Variants in CD99 observed in about 807,000 individuals in gnomAD.
CD99 encodes CD99 molecule (Xg blood group).
CD99 carries 19 observed loss-of-function variants against 28.4 expected under a neutral mutation model. The ratio of observed to expected loss-of-function variants is 0.67; its 90% CI spans 0.47 to 0.98. The LOEUF is 0.98. Among genes scored for constraint, CD99 ranks in the 50% least tolerant of loss-of-function variants. The probability of loss-of-function intolerance (pLI) is 0.00; values close to 1 mark genes in which losing one functional copy is unlikely to be tolerated. For synonymous variants in CD99, 103 were observed against 92.1 expected, an observed-to-expected ratio of 1.12 and a Z score of -0.67; for missense variants, 283 against 248.8, an observed-to-expected ratio of 1.14 and a Z score of -0.92.
chrX:2,708,588 A>G (rs765455806), intron 1 of CD99, among the ~76,000 whole-genome samples: 1 of 152,320 alleles, frequency 6.6e-6, no homozygotes, highest in South Asian at 2.1e-4. Context: ...TTCAATTAAA[A>G]ACTGTAGAAA....
rs765221682 is a variant in CD99, at chrX:2,717,595, A to G, written c.101-10A>G. On this transcript the variant is annotated splice_polypyrimidine_tract_variant and intron_variant, in intron 2 of 9. Coordinates refer to ENST00000381192, the MANE Select transcript of CD99 (RefSeq NM_002414.5). ...CAACTTTTACTAACTGAAATATCTT[A>G]TCTCTTTAGACAATGAAAACAAGAA... 6.2e-7 allele frequency: 1 copy of G among 1,611,500 alleles called. No homozygotes were observed. Among genetic ancestry groups the G allele is most frequent in the East Asian group, 2.2e-5 (1 of 44,884 alleles).
chrX:2,719,485 T>G (rs1373675955), intron 3 of CD99, 176 bp from the exon 4 acceptor site: 2 of 677,758 alleles, frequency 3.0e-6, no homozygotes, highest in Non-Finnish European at 2.7e-6. Context: ...TCTGAGAGAA[T>G]AGTGATGTAA....
At chrX:2,696,575 A>AT (rs771143640) in intron 1 of CD99, among the ~76,000 whole-genome samples, 12 of 151,686 alleles carry the variant, frequency 7.9e-5, no homozygotes, top group Middle Eastern at 3.4e-3. Context: ...TAATTTTTGT[A>AT]TTTTTTTAGT....
chrX:2,723,863 G>C (rs1278166728), intron 7 of CD99, among the ~76,000 whole-genome samples: 7 of 151,956 alleles, frequency 4.6e-5, no homozygotes, highest in Non-Finnish European at 8.8e-5. Flanking sequence ...CCTTAGATGG[G>C]ACAAGAAAAT....
rs1242669191 is a variant in CD99 at position 2,714,362 on chromosome X, A to C, written c.68-60A>C. 3.8e-6 allele frequency: 5 copies of C among 1,332,942 alleles called. No individual in the cohort carries two copies. In the Admixed American group the frequency reaches 9.6e-5, roughly 26 times the overall value. The allele number at this position is 1,332,942 out of a possible 1,614,324, so 82.6% of individuals were successfully genotyped here. On this transcript the variant is annotated intron_variant, in intron 1 of 9. Coordinates refer to ENST00000381192, the MANE Select transcript of CD99 (RefSeq NM_002414.5). Reference sequence around the variant, plus strand: ...AATCGCATATCTTTTTTATCTCTATAATATTCAAATTTATTTTTATTTTTC... The same window carrying C: ...AATCGCATATCTTTTTTATCTCTATCATATTCAAATTTATTTTTATTTTTC...
At position 2,691,437 on chromosome X, in the gene CD99, C is replaced by A; in HGVS notation, c.67+10C>A. 1 of 1,579,960 alleles carries A rather than the reference C, an allele frequency of 6.3e-7. No homozygotes were observed. ...CTGGTCGCCGCCCCGGGTGAGCGAGCGGAGGGATCCGGGTTGGGGGACGCG... is the reference window on the plus strand; with the variant it reads ...CTGGTCGCCGCCCCGGGTGAGCGAGAGGAGGGATCCGGGTTGGGGGACGCG... On this transcript the variant is annotated intron_variant, in intron 1 of 9. Transcript: ENST00000381192.
At position 2,736,734 on chromosome X, in the gene CD99, G is replaced by C. The variant is rs932386693; in HGVS notation, c.476-1466G>C. ...TAGCCAGGCGTGGTGGTGCATGCCT[G>C]AAATCCCAGCTACTCAGGAGGCTGA... On this transcript the variant is annotated intron_variant, in intron 8 of 9. Coordinates refer to ENST00000381192, the MANE Select transcript of CD99 (RefSeq NM_002414.5). Among the ~76,000 whole-genome samples the C allele has an allele frequency of 6.6e-5, 10 of 152,048 alleles. 1 individual carries two copies. The highest frequency in any genetic ancestry group is 4.6e-4 in the Admixed American group (7 of 15,262).
chrX:2,699,067 C>T, intron 1 of CD99, among the ~76,000 whole-genome samples: 1 of 152,220 alleles, frequency 6.6e-6, no homozygotes, highest in Middle Eastern at 3.4e-3. Flanking sequence ...GCTGGGACCA[C>T]AGGTGCACCT....
intron 1 of CD99, among the ~76,000 whole-genome samples, chrX:2,697,898 G>A (rs1263394588): frequency 6.6e-6 from 1 of 151,828 alleles, no homozygotes. Flanking sequence ...TAGAATAGCA[G>A]GACAGGGAGG....
intron 8 of CD99, among the ~76,000 whole-genome samples, chrX:2,726,873 A>G (rs1404638538): frequency 5.9e-5 from 9 of 152,102 alleles, no homozygotes. Flanking sequence ...GGTGGCTCAC[A>G]CCTGTAATCC....
rs1281150463 is a variant in CD99, at chrX:2,714,726, C to G, written c.100+272C>G. On this transcript the variant is annotated intron_variant, in intron 2 of 9. Transcript: ENST00000381192. ...AGATACAGAGACAGGAAGTGGGGCA[C>G]GTGCTGTTGGAAAAAATGATGCCGA... The G allele has an allele frequency of 1.5e-5, 5 of 340,486 alleles. No homozygotes were observed. In the Admixed American group the frequency reaches 2.3e-4, roughly 16 times the overall value. 21.1% of individuals were successfully genotyped at this position (340,486 alleles called of 1,614,324 possible). A position where few individuals can be genotyped will look rare whatever the true frequency, so the allele number is the denominator to read the frequency against.
At chrX:2,723,519 G>A (rs1306697356) in intron 7 of CD99, 155 bp downstream of exon 7, 1 of 818,446 alleles carries the variant, frequency 1.2e-6, no homozygotes, top group Admixed American at 2.1e-5. Flanking sequence ...CCCAAGTGAT[G>A]TAGCTGCAGA....
At chrX:2,697,464 C>G (rs770335758) in intron 1 of CD99, among the ~76,000 whole-genome samples, 1 of 152,108 alleles carries the variant, frequency 6.6e-6, no homozygotes, top group Non-Finnish European at 1.5e-5. Flanking sequence ...TACTCATCAG[C>G]GACACCTGAG....
At chrX:2,739,920 TAA>T (rs760923352) in intron 9 of CD99, among the ~76,000 whole-genome samples, 18 of 110,118 alleles carry the variant, frequency 1.6e-4, no homozygotes, top group Admixed American at 3.8e-4. Flanking sequence ...TACTAAAAAT[TAA>T]AAAAAAAAAA....
chrX:2,691,705 A>G (rs1275444208), intron 1 of CD99: 2 of 705,162 alleles, frequency 2.8e-6, no homozygotes, highest in Admixed American at 4.0e-5. Context: ...GGTGCGTCCG[A>G]TTTTTCCCAA....
intron 8 of CD99, among the ~76,000 whole-genome samples, chrX:2,735,984 C>G (rs768126872): frequency 6.6e-6 from 1 of 151,906 alleles, no homozygotes; most frequent in Non-Finnish European, 1.5e-5. Flanking sequence ...GGGCAGATCA[C>G]GAAGTCAGGA....
Position 2,719,668 on chromosome X carries a change from C to T in CD99, c.156C>T (p.Asp52=). 6.2e-7 allele frequency: 1 copy of T among 1,613,838 alleles called. No homozygotes were observed. Among genetic ancestry groups the T allele is most frequent in the Non-Finnish European group, 8.5e-7 (1 of 1,179,790 alleles). Residue 52 remains aspartate, a synonymous_variant, in exon 4 of 10, where the codon GAC becomes GAT. Transcript: ENST00000381192. ...AIPKKPSAGD[D]FDLGDAVVDG... is the part of the protein sequence containing the mutation. ...CTCTTTCCCCTCTTTTAGGGGATGA[C>T]TTTGACTTAGGAGATGCTGTTGTTG...
At chrX:2,693,972 T>A (rs1454743599) in intron 1 of CD99, among the ~76,000 whole-genome samples, 1 of 152,188 alleles carries the variant, frequency 6.6e-6, no homozygotes. Flanking sequence ...CACAAAGAAT[T>A]CATCTGGTCC....
At chrX:2,704,811 C>T (rs1485243784) in intron 1 of CD99, among the ~76,000 whole-genome samples, 4 of 151,616 alleles carry the variant, frequency 2.6e-5, no homozygotes, top group South Asian at 2.1e-4. Flanking sequence ...CCTCCACAAG[C>T]GCAGGCCATC....
Sources: allele counts gnomAD v4.1 joint callset (sites outside exome capture counted in the v4.1 genomes callset), GRCh38; gene constraint gnomAD v4.1.1; transcripts MANE v1.5; gene names NCBI Gene and HGNC (gene_info 2026-07-23, HGNC 2026-07-21).